Variants in CBX5 observed in about 807,000 individuals in gnomAD.
CBX5 encodes the protein chromobox protein homolog 5.
Under a neutral mutation model 20.7 loss-of-function variants are expected in CBX5, and 7 were observed. The ratio of observed to expected loss-of-function variants is 0.34; its 90% confidence interval spans 0.19 to 0.63. The LOEUF (loss-of-function observed/expected upper bound fraction) is 0.63. Among genes scored for constraint, CBX5 ranks in the 30% least tolerant of loss-of-function variants. CBX5 has a pLI of 0.75. For synonymous variants in CBX5, 78 were observed against 77.0 expected, an observed-to-expected ratio of 1.01 and a Z score of -0.07; for missense variants, 110 against 224.1, an observed-to-expected ratio of 0.49 and a Z score of 3.25.
intron 2 of CBX5, among the ~76,000 whole-genome samples, chr12:54,255,420 G>A (rs967142687): frequency 2.6e-5 from 4 of 151,926 alleles, no homozygotes; most frequent in South Asian, 2.1e-4. Context: ...TTAGCTGGGC[G>A]TGGTGGCAGG....
chr12:54,249,002 A>G (rs1014781416), intron 3 of CBX5, among the ~76,000 whole-genome samples: 1 of 152,186 alleles, frequency 6.6e-6, no homozygotes, highest in African/African-American at 2.4e-5. Context: ...CGGCAGCTTC[A>G]GAACCTGGCC....
chr12:54,248,883 C>T (rs1201709001), intron 3 of CBX5, among the ~76,000 whole-genome samples: 1 of 152,130 alleles, frequency 6.6e-6, no homozygotes, highest in East Asian at 1.9e-4. Context: ...ATACAATCAC[C>T]TATCTTTCCA....
chr12:54,273,436 C>CT, intron 1 of CBX5: 1 of 151,952 alleles, frequency 6.6e-6, no homozygotes, highest in East Asian at 1.9e-4. Flanking sequence ...AAGCGAGACT[C>CT]TGTCTCAAAA....
At chr12:54,244,776 G>A (rs935422396) in intron 4 of CBX5, among the ~76,000 whole-genome samples, 4 of 152,008 alleles carry the variant, frequency 2.6e-5, no homozygotes, top group African/African-American at 9.7e-5. Context: ...TTTCATCTAA[G>A]AGCCATCCTC....
At chr12:54,274,403 C>T (rs1045525131) in intron 1 of CBX5, 8 of 152,046 alleles carry the variant, frequency 5.3e-5, no homozygotes, top group Admixed American at 6.6e-5. Flanking sequence ...GCCCAGAGTC[C>T]GAGTTCACGA....
At chr12:54,262,973 C>T (rs1465543531) in intron 1 of CBX5, 1 of 152,242 alleles carries the variant, frequency 6.6e-6, no homozygotes, top group African/African-American at 2.4e-5. Context: ...GTCTTTCAGG[C>T]ATAACAGCTC....
In CBX5 at chr12:54,270,694, T is replaced by C. The variant is rs191770219; in HGVS notation, c.-43+9314A>G. 1.5e-3 allele frequency among the ~76,000 whole-genome samples: 229 copies of C among 152,328 alleles called. 1 individual carries two copies. The highest frequency in any genetic ancestry group is 2.9e-3 in the Admixed American group (44 of 15,298). On this transcript the variant is annotated intron_variant, in intron 1 of 4. Transcript: ENST00000209875. ...AAGTGTGTTGTGTAATTTCAAAATA[T>C]TTAGGGATTTTTCTTGATGTCTTTG...
intron 1 of CBX5, among the ~76,000 whole-genome samples, chr12:54,258,758 A>G (rs1943886567): frequency 6.6e-6 from 1 of 152,154 alleles, no homozygotes; most frequent in African/African-American, 2.4e-5. Context: ...AGAGTAGCAG[A>G]AATTGTTTTC....
intron 1 of CBX5, among the ~76,000 whole-genome samples, chr12:54,260,895 A>C (rs1943910409): frequency 6.6e-6 from 1 of 152,166 alleles, no homozygotes; most frequent in Non-Finnish European, 1.5e-5. Context: ...AATCAAAAGC[A>C]AAGAACTCAG....
At chr12:54,251,242 C>CCT (rs1243776639) in intron 3 of CBX5, among the ~76,000 whole-genome samples, 1 of 152,042 alleles carries the variant, frequency 6.6e-6, no homozygotes, top group Non-Finnish European at 1.5e-5. Context: ...AGGCGGATCA[C>CCT]GAGGTCAGGA....
chr12:54,277,681 A>T (rs1944083578), intron 1 of CBX5, among the ~76,000 whole-genome samples: 1 of 152,200 alleles, frequency 6.6e-6, no homozygotes, highest in African/African-American at 2.4e-5. Flanking sequence ...TATTAAATGG[A>T]ACAATGATCA....
rs547566265 is a variant in CBX5 at position 54,263,107 on chromosome 12, T to C, written c.-42-5415A>G. Among the ~76,000 whole-genome samples the C allele has an allele frequency of 2.0e-5, 3 of 152,290 alleles. No homozygotes were observed. The South Asian group carries it at 6.2e-4, about 32-fold the overall frequency. Reference sequence around the variant, plus strand: ...TGGGCGCGGTGGCTCACGCCTGTAATCCCAGCACTTTGGTAGGCCGAGGCG... The same window carrying C: ...TGGGCGCGGTGGCTCACGCCTGTAACCCCAGCACTTTGGTAGGCCGAGGCG... On this transcript the variant is annotated intron_variant, in intron 1 of 4. Coordinates refer to ENST00000209875, the MANE Select transcript of CBX5 (RefSeq NM_012117.3).
At chr12:54,246,752 G>GCCT (rs1438955999) in intron 3 of CBX5, among the ~76,000 whole-genome samples, 1 of 141,112 alleles carries the variant, frequency 7.1e-6, no homozygotes, top group Non-Finnish European at 1.5e-5. Flanking sequence ...CTGCATTCCA[G>GCCT]CCTGGGCAAC....
At chr12:54,243,918 G>A (rs974876950) in intron 4 of CBX5, among the ~76,000 whole-genome samples, 2 of 152,196 alleles carry the variant, frequency 1.3e-5, no homozygotes, top group Middle Eastern at 3.4e-3. Context: ...ACTTCTGACA[G>A]AATATGGCAA....
At chr12:54,264,181 A>C (rs1260830897) in intron 1 of CBX5, among the ~76,000 whole-genome samples, 1 of 152,202 alleles carries the variant, frequency 6.6e-6, no homozygotes. Flanking sequence ...TTTTTGAGAC[A>C]GGGCCTCGTT....
chr12:54,252,188 G>A lies in CBX5; in HGVS notation c.177C>T (p.Cys59=). The change falls in exon 3 of 5, where the codon TGC becomes TGT. Residue 59 remains cysteine, a synonymous_variant. Transcript: ENST00000209875. The part of the protein sequence containing the change: ...NTWEPEKNLD[C]PELISEFMKK... ...TCATAAATTCAGAAATTAGCTCAGG[G>A]CAATCCAAGTTTTTCTCAGGTTCCC... The A allele has an allele frequency of 6.3e-7, 1 of 1,581,826 alleles. No homozygotes were observed. Among genetic ancestry groups the A allele is most frequent in the Non-Finnish European group, 8.6e-7 (1 of 1,163,992 alleles).
At chr12:54,274,554 G>A (rs1944041879) in intron 1 of CBX5, among the ~76,000 whole-genome samples, 1 of 152,008 alleles carries the variant, frequency 6.6e-6, no homozygotes, top group Non-Finnish European at 1.5e-5. Flanking sequence ...CTAAGTAAAA[G>A]GACAAAATAA....
chr12:54,245,265 C>A lies in CBX5; in HGVS notation c.425+850G>T, dbSNP rs543757060. On this transcript the variant is annotated intron_variant, in intron 4 of 4. Coordinates refer to ENST00000209875, the MANE Select transcript of CBX5 (RefSeq NM_012117.3). ...ACCCCAAGAGATCCGCCTGCCTTGG[C>A]CACCCAAAGTGTTGGGATTACAGGT... Among the ~76,000 whole-genome samples, 305 of 152,096 alleles carry A rather than the reference C, an allele frequency of 2.0e-3. 3 individuals carry two copies. Among genetic ancestry groups the A allele is most frequent in the Non-Finnish European group, 2.5e-3 (170 of 67,978 alleles).
intron 3 of CBX5, among the ~76,000 whole-genome samples, chr12:54,249,724 AAG>A (rs1056118896): frequency 2.6e-5 from 4 of 152,134 alleles, no homozygotes; most frequent in Non-Finnish European, 5.9e-5. Context: ...CACAGATGAA[AAG>A]AGAGAGAGGC....
Sources: gnomAD v4.1 joint callset for allele counts (sites outside exome capture counted in the v4.1 genomes callset) on GRCh38, gnomAD v4.1.1 for gene constraint, MANE v1.5 for transcripts, NCBI Gene and HGNC (gene_info 2026-07-23, HGNC 2026-07-21) for gene names.